CNTN6: variants seen among roughly 807,000 people sequenced by gnomAD.
The protein encoded by CNTN6 is contactin 6.
CNTN6 carries 137 observed loss-of-function variants against 122.8 expected under a neutral mutation model. That is an observed-to-expected ratio of 1.12 (90% confidence interval 0.97 to 1.29). The LOEUF (loss-of-function observed/expected upper bound fraction) is 1.29, where lower values mean the gene tolerates loss of function less well. CNTN6 is among the 50% of genes most tolerant of loss of function. CNTN6 has a pLI of 0.00. For missense variants in CNTN6, 1,634 were observed against 1,223.4 expected, an observed-to-expected ratio of 1.34 and a Z score of -5.01; for synonymous variants, 570 against 426.0, an observed-to-expected ratio of 1.34 and a Z score of -4.16.
intron 1 of CNTN6, among the ~76,000 whole-genome samples, chr3:1,107,462 G>T (rs1210956983): frequency 6.6e-6 from 1 of 152,036 alleles, no homozygotes; most frequent in Non-Finnish European, 1.5e-5. Context: ...TGTCAAAGAT[G>T]CCACTTTTTA....
chr3:1,310,929 A>T (rs1402593572), intron 7 of CNTN6, among the ~76,000 whole-genome samples: 1 of 151,974 alleles, frequency 6.6e-6, no homozygotes, highest in Non-Finnish European at 1.5e-5. Flanking sequence ...TGAACCCGGG[A>T]GGCAGAAGTT....
At chr3:1,322,781 A>G (rs933756137) in intron 8 of CNTN6, among the ~76,000 whole-genome samples, 1 of 151,398 alleles carries the variant, frequency 6.6e-6, no homozygotes, top group Non-Finnish European at 1.5e-5. Flanking sequence ...AGAATTTCCA[A>G]CTTTAACCTG....
chr3:1,194,550 T>C (rs957356461), intron 2 of CNTN6, among the ~76,000 whole-genome samples: 7 of 152,294 alleles, frequency 4.6e-5, no homozygotes, highest in African/African-American at 1.7e-4. Flanking sequence ...TCATTTACCA[T>C]ATACTTACAT....
At chr3:1,225,696 ATTGTT>A (rs71993736) in intron 3 of CNTN6, among the ~76,000 whole-genome samples, 19,593 of 141,068 alleles carry the variant, frequency 0.14, 2,020 homozygotes, top group African/African-American at 0.3. Flanking sequence ...GGGTTTTATT[ATTGTT>A]TTTTTTTTTT....
intron 4 of CNTN6, among the ~76,000 whole-genome samples, chr3:1,261,306 AATAG>A (rs2094842871): frequency 6.6e-6 from 1 of 152,180 alleles, no homozygotes; most frequent in African/African-American, 2.4e-5. Flanking sequence ...GGAGTAGGTA[AATAG>A]ATAGCAAAAG....
chr3:1,218,523 A>T (rs2094159935), intron 2 of CNTN6, among the ~76,000 whole-genome samples: 2 of 152,106 alleles, frequency 1.3e-5, no homozygotes, highest in Admixed American at 1.3e-4. Context: ...GTATAGGAGT[A>T]AAACTGGGAG....
At chr3:1,100,569 A>G (rs1396267901) in intron 1 of CNTN6, among the ~76,000 whole-genome samples, 3 of 152,050 alleles carry the variant, frequency 2.0e-5, no homozygotes, top group Admixed American at 6.6e-5. Flanking sequence ...CAGCTATTAT[A>G]TATTTCAATC....
Position 1,333,696 on chromosome 3 carries a change from A to G in CNTN6, c.1364+3761A>G, listed in dbSNP as rs562957883. Among the ~76,000 whole-genome samples, 3 of 152,222 alleles carry G rather than the reference A, an allele frequency of 2.0e-5. No individual in the cohort carries two copies. The East Asian group carries it at 5.8e-4, about 30-fold the overall frequency. On this transcript the variant is annotated intron_variant, in intron 11 of 22. Transcript: ENST00000446702. ...ACCTAGAGATGGTTGAGAGGGCTCT[A>G]AAGAAACCTATTCAAAGTAATCAGA...
In CNTN6 at chr3:1,147,928, C is replaced by G. The variant is rs911546732; in HGVS notation, c.-81C>G. 4.6e-5 allele frequency: 43 copies of G among 944,348 alleles called. No homozygotes were observed. In the Admixed American group the frequency reaches 5.0e-4, roughly 11 times the overall value. 58.5% of individuals were successfully genotyped at this position (944,348 alleles called of 1,614,324 possible). A position where few individuals can be genotyped will look rare whatever the true frequency, so the allele number is the denominator to read the frequency against. ...TCATGACAATTTTGTCTTTTTCAGA[C>G]TCTTGAGATACTGACTGGAAGATAG... On this transcript the variant is annotated splice_region_variant and 5_prime_UTR_variant, in exon 2 of 23. Transcript: ENST00000446702.
intron 7 of CNTN6, among the ~76,000 whole-genome samples, chr3:1,301,458 T>A (rs1460561753): frequency 6.6e-6 from 1 of 152,152 alleles, no homozygotes; most frequent in African/African-American, 2.4e-5. Context: ...AGAAACCCCC[T>A]GATAAATAAA....
chr3:1,392,122 A>T (rs1380560319), intron 20 of CNTN6, among the ~76,000 whole-genome samples: 6 of 152,260 alleles, frequency 3.9e-5, no homozygotes, highest in Non-Finnish European at 1.5e-5. Flanking sequence ...AAAAGAACAA[A>T]GCTGGAGGCA....
rs183781800 is a variant in CNTN6 at position 1,268,572 on chromosome 3, A to C, written c.359-9841A>C. 9.5e-3 allele frequency among the ~76,000 whole-genome samples: 1,274 copies of C among 133,598 alleles called. 38 individuals carry two copies. Among genetic ancestry groups the C allele is most frequent in the African/African-American group, 0.035 (1,188 of 33,688 alleles). The allele number at this position is 133,598 out of a possible 152,430, so 87.6% of individuals were successfully genotyped here. ...CAGTGAGCCGAGATTGAGCCACTGC[A>C]CTCCAGCCTGGGCGACAGAGCGAGA... On this transcript the variant is annotated intron_variant, in intron 4 of 22. Transcript: ENST00000446702.
intron 12 of CNTN6, among the ~76,000 whole-genome samples, chr3:1,367,456 C>A (rs1343151976): frequency 6.6e-6 from 1 of 151,788 alleles, no homozygotes; most frequent in Non-Finnish European, 1.5e-5. Context: ...TGAGGAAGTC[C>A]CCATGTTTGA....
At chr3:1,227,062 A>C (rs1407086739) in intron 3 of CNTN6, among the ~76,000 whole-genome samples, 1 of 152,174 alleles carries the variant, frequency 6.6e-6, no homozygotes, top group East Asian at 1.9e-4. Context: ...ATTTGTCTTA[A>C]AAATGACCAA....
intron 2 of CNTN6, among the ~76,000 whole-genome samples, chr3:1,216,758 T>C (rs185595652): frequency 4.3e-4 from 65 of 152,338 alleles, no homozygotes; most frequent in African/African-American, 1.6e-3. Context: ...AATTTTAAGA[T>C]GAGGTTAATA....
intron 2 of CNTN6, among the ~76,000 whole-genome samples, chr3:1,187,072 T>C (rs144595852): frequency 1.2e-4 from 19 of 152,272 alleles, no homozygotes; most frequent in Non-Finnish European, 2.4e-4. Flanking sequence ...GATTTTTACC[T>C]ATTTTATCCA....
At chr3:1,368,485 A>G (rs1430786242) in intron 12 of CNTN6, among the ~76,000 whole-genome samples, 2 of 152,200 alleles carry the variant, frequency 1.3e-5, no homozygotes, top group African/African-American at 2.4e-5. Context: ...AACAGTCTTA[A>G]TGGTTTCATA....
intron 11 of CNTN6, among the ~76,000 whole-genome samples, chr3:1,344,021 T>G (rs1704279392): frequency 6.6e-6 from 1 of 152,220 alleles, no homozygotes; most frequent in East Asian, 1.9e-4. Flanking sequence ...AATGACTCAG[T>G]AGAAAAAACA....
At chr3:1,129,733 G>C (rs950594751) in intron 1 of CNTN6, among the ~76,000 whole-genome samples, 4 of 152,002 alleles carry the variant, frequency 2.6e-5, no homozygotes, top group African/African-American at 9.7e-5. Flanking sequence ...ACATCTGCTG[G>C]AGGCACATGT....
Sources: gnomAD v4.1 joint callset for allele counts (sites outside exome capture counted in the v4.1 genomes callset) on GRCh38, gnomAD v4.1.1 for gene constraint, MANE v1.5 for transcripts, NCBI Gene and HGNC (gene_info 2026-07-23, HGNC 2026-07-21) for gene names.